Variants in RAB30 observed in about 807,000 individuals in gnomAD.
The protein encoded by RAB30 is ras-related protein Rab-30.
In RAB30, 9 loss-of-function variants were observed where a neutral mutation model predicts 25.1. The ratio of observed to expected loss-of-function variants is 0.36; its 90% CI spans 0.22 to 0.63. RAB30 has a LOEUF of 0.63. RAB30 is among the 20% of genes least tolerant of loss of function. RAB30 has a pLI of 0.69. For synonymous variants in RAB30, 77 were observed against 86.4 expected (o/e 0.89, Z 0.60); for missense variants, 140 against 243.5 (o/e 0.58, Z 2.83).
chr11:83,036,822 T>C (rs1459831157), intron 1 of RAB30, among the ~76,000 whole-genome samples: 1 of 152,156 alleles, frequency 6.6e-6, no homozygotes, highest in African/African-American at 2.4e-5. Flanking sequence ...GTGCAAGGGT[T>C]AGCTACCAGA....
chr11:83,014,709 G>A (rs1857395372), intron 1 of RAB30, among the ~76,000 whole-genome samples: 1 of 145,502 alleles, frequency 6.9e-6, no homozygotes, highest in Admixed American at 7.0e-5. Context: ...AGGAAGGAAG[G>A]AAGGATGGAG....
In RAB30 at chr11:82,995,387, G is replaced by A. The variant is rs1565270325; in HGVS notation, c.94-1265C>T. On this transcript the variant is annotated intron_variant, in intron 2 of 4. Coordinates refer to ENST00000527633, the MANE Select transcript of RAB30 (RefSeq NM_001286060.2). The stretch of plus-strand genomic sequence containing the variant: ...TTGGCTCAGATACAAAAGCTGTCAA[G>A]CTTCAAGTTTATAGCTCCAGATGTT... 5.9e-5 allele frequency among the ~76,000 whole-genome samples: 9 copies of A among 152,144 alleles called. No individual in the cohort carries two copies. The South Asian group carries it at 1.9e-3, about 31-fold the overall frequency.
chr11:83,063,781 C>T (rs1858634538), intron 1 of RAB30, among the ~76,000 whole-genome samples: 1 of 152,056 alleles, frequency 6.6e-6, no homozygotes, highest in South Asian at 2.1e-4. Flanking sequence ...CATTTCTGCC[C>T]CCTGAAAGAT....
chr11:83,031,209 T>G (rs767714944), intron 1 of RAB30, among the ~76,000 whole-genome samples: 10 of 152,258 alleles, frequency 6.6e-5, no homozygotes, highest in Non-Finnish European at 1.5e-4. Flanking sequence ...TGTGTGGTAT[T>G]TTGTTATGGC....
intron 1 of RAB30, among the ~76,000 whole-genome samples, chr11:83,005,037 C>G (rs1378645052): frequency 6.6e-6 from 1 of 152,098 alleles, no homozygotes; most frequent in African/African-American, 2.4e-5. Context: ...TGTCAAACAC[C>G]CACCTGTGCT....
intron 1 of RAB30, among the ~76,000 whole-genome samples, chr11:83,065,908 C>T (rs761313485): frequency 2.0e-5 from 3 of 152,060 alleles, no homozygotes; most frequent in Non-Finnish European, 2.9e-5. Flanking sequence ...TGTGCATGTA[C>T]GTATGAACTC....
intron 1 of RAB30, among the ~76,000 whole-genome samples, chr11:83,056,951 G>A (rs1858470279): frequency 6.6e-6 from 1 of 152,142 alleles, no homozygotes; most frequent in Non-Finnish European, 1.5e-5. Flanking sequence ...CAAAAAGCAT[G>A]CAGAATTCTA....
At position 82,981,934 on chromosome 11, in the gene RAB30, T is replaced by C. The variant is rs1856645403; in HGVS notation, c.*231A>G. On this transcript the variant is annotated 3_prime_UTR_variant, in exon 5 of 5. Transcript: ENST00000527633. ...GCTCTGCAGATCATGGAGTGCCTAG[T>C]GCAATTTTCTCCTTGCTCCAACTCC... 5.3e-6 allele frequency: 3 copies of C among 564,344 alleles called. No individual in the cohort carries two copies. The highest frequency in any genetic ancestry group is 9.4e-6 in the Non-Finnish European group (3 of 319,730). 35.0% of individuals were successfully genotyped at this position (564,344 alleles called of 1,614,324 possible). A position where few individuals can be genotyped will look rare whatever the true frequency, so the allele number is the denominator to read the frequency against.
At chr11:83,000,155 G>T (rs758352990) in intron 1 of RAB30, among the ~76,000 whole-genome samples, 131 of 152,282 alleles carry the variant, frequency 8.6e-4, no homozygotes, top group Non-Finnish European at 1.5e-3. Flanking sequence ...CAGTCGTAAG[G>T]TCCCACAGCT....
chr11:83,035,009 A>G (rs1857957465), intron 1 of RAB30, among the ~76,000 whole-genome samples: 1 of 151,928 alleles, frequency 6.6e-6, no homozygotes. Context: ...TTTATTGACC[A>G]CTGGCTATGT....
At chr11:83,063,882 A>G (rs1469434205) in intron 1 of RAB30, among the ~76,000 whole-genome samples, 1 of 152,234 alleles carries the variant, frequency 6.6e-6, no homozygotes. Flanking sequence ...TAAAACAGGT[A>G]AGTTGGAGCA....
chr11:83,049,053 A>G (rs1378675663), intron 1 of RAB30, among the ~76,000 whole-genome samples: 5 of 152,234 alleles, frequency 3.3e-5, no homozygotes, highest in African/African-American at 9.6e-5. Flanking sequence ...TGCCTCTACA[A>G]TAAGATAAGT....
chr11:83,037,125 G>A (rs1437181705), intron 1 of RAB30, among the ~76,000 whole-genome samples: 1 of 152,124 alleles, frequency 6.6e-6, no homozygotes, highest in African/African-American at 2.4e-5. Flanking sequence ...CAAGATAATG[G>A]TAGGGGAGAG....
chr11:82,980,316 AG>A lies in RAB30; in HGVS notation c.*1848del, dbSNP rs1287972978. 1 of 152,232 alleles carries A rather than the reference AG, an allele frequency of 6.6e-6. No homozygotes were observed. Among genetic ancestry groups the A allele is most frequent in the Non-Finnish European group, 1.5e-5 (1 of 68,028 alleles). 9.4% of individuals were successfully genotyped at this position (152,232 alleles called of 1,614,324 possible). ...TCTGGGATGCCTTTCTCTTTCCCAC[AG>A]GATCAGGAAAAACACAGTGAGGCCA... On this transcript the variant is annotated 3_prime_UTR_variant, in exon 5 of 5. Coordinates refer to ENST00000527633, the MANE Select transcript of RAB30 (RefSeq NM_001286060.2).
chr11:83,052,432 A>T (rs1372160767), intron 1 of RAB30, among the ~76,000 whole-genome samples: 1 of 152,208 alleles, frequency 6.6e-6, no homozygotes, highest in African/African-American at 2.4e-5. Flanking sequence ...AGGGAAGAGA[A>T]ATGGCCTGGC....
intron 1 of RAB30, among the ~76,000 whole-genome samples, chr11:83,050,943 C>A (rs184354210): frequency 1.6e-4 from 25 of 152,302 alleles, no homozygotes; most frequent in Admixed American, 1.4e-3. Flanking sequence ...TGTCTCTTAA[C>A]AGCTTTTGAG....
At chr11:83,053,837 C>G (rs937944729) in intron 1 of RAB30, among the ~76,000 whole-genome samples, 2 of 152,200 alleles carry the variant, frequency 1.3e-5, no homozygotes, top group African/African-American at 4.8e-5. Flanking sequence ...TGCCTGTAAT[C>G]CCAGCACTTT....
chr11:83,038,533 T>A (rs1372375638), intron 1 of RAB30, among the ~76,000 whole-genome samples: 5 of 151,900 alleles, frequency 3.3e-5, no homozygotes, highest in Non-Finnish European at 7.4e-5. Context: ...TTAAGAAAAA[T>A]AATGAGGCTG....
intron 1 of RAB30, among the ~76,000 whole-genome samples, chr11:83,069,895 A>T (rs1171192351): frequency 6.6e-6 from 1 of 152,182 alleles, no homozygotes; most frequent in Non-Finnish European, 1.5e-5. Context: ...CTGCAAGAAA[A>T]AGAAAAGGCA....
Sources: gnomAD v4.1 joint callset for allele counts (sites outside exome capture counted in the v4.1 genomes callset) on GRCh38, gnomAD v4.1.1 for gene constraint, MANE v1.5 for transcripts, NCBI Gene and HGNC (gene_info 2026-07-23, HGNC 2026-07-21) for gene names.